Variants in SLC14A2 observed in about 807,000 individuals in gnomAD.
SLC14A2 encodes urea transporter 2.
SLC14A2 carries 91 observed loss-of-function variants against 104.6 expected under a neutral mutation model. That is an observed-to-expected ratio of 0.87 (90% CI 0.73 to 1.04). SLC14A2 has a LOEUF of 1.04. Among genes scored for constraint, SLC14A2 ranks in the 50% least tolerant of loss-of-function variants. The probability of loss-of-function intolerance (pLI) is 0.00; values close to 1 mark genes in which losing one functional copy is unlikely to be tolerated. For synonymous variants in SLC14A2, 476 were observed against 466.4 expected (o/e 1.02, Z -0.27); for missense variants, 1,189 against 1,156.0 (o/e 1.03, Z -0.41).
At chr18:45,328,686 A>T (rs1396513661) in intron 1 of SLC14A2, among the ~76,000 whole-genome samples, 1 of 152,256 alleles carries the variant, frequency 6.6e-6, no homozygotes, top group Non-Finnish European at 1.5e-5. Flanking sequence ...CATGTTATGT[A>T]AGAAGCATAT....
intron 2 of SLC14A2, among the ~76,000 whole-genome samples, chr18:45,575,339 A>G (rs1331718645): frequency 6.6e-6 from 1 of 152,098 alleles, no homozygotes; most frequent in Non-Finnish European, 1.5e-5. Context: ...CTAGCTGGTG[A>G]TGGAAGGGTC....
the SLC14A2 span, among the ~76,000 whole-genome samples, chr18:45,194,738 T>G: frequency 6.8e-6 from 1 of 147,912 alleles, no homozygotes; most frequent in East Asian, 2.0e-4. Flanking sequence ...CTTCACCTCC[T>G]GGGTTCACGC....
Position 45,300,609 on chromosome 18 carries a change from C to CT in SLC14A2, c.-125+87426dup, listed in dbSNP as rs549201617. On this transcript the variant is annotated intron_variant, in intron 1 of 20. Coordinates refer to the SLC14A2 transcript ENST00000586448. ...GGGATGTGAAGTTTTTTAAAAAGCA[C>CT]TTTTTTTTCCATAAATAAAAATAAT... Among the ~76,000 whole-genome samples, 568 of 152,196 alleles carry CT rather than the reference C, an allele frequency of 3.7e-3. 5 individuals are homozygous for CT. The highest frequency in any genetic ancestry group is 0.017 in the Middle Eastern group (5 of 294).
At chr18:45,363,039 C>T (rs1322690721) in intron 1 of SLC14A2, among the ~76,000 whole-genome samples, 3 of 152,158 alleles carry the variant, frequency 2.0e-5, no homozygotes, top group African/African-American at 7.2e-5. Context: ...CTGTCTGCCC[C>T]TGCCTGCCCT....
At chr18:45,197,470 A>G in the SLC14A2 span, among the ~76,000 whole-genome samples, 1 of 152,210 alleles carries the variant, frequency 6.6e-6, no homozygotes, top group African/African-American at 2.4e-5. Flanking sequence ...ATTCGGGGTC[A>G]AAAACAGGTG....
chr18:45,524,750 C>T (rs369809327), intron 2 of SLC14A2, among the ~76,000 whole-genome samples: 6 of 152,150 alleles, frequency 3.9e-5, no homozygotes, highest in Admixed American at 2.0e-4. Flanking sequence ...AACTGCTAAG[C>T]CCTTAAATGC....
At chr18:45,582,049 G>C (rs72904499) in intron 2 of SLC14A2, among the ~76,000 whole-genome samples, 13,064 of 152,282 alleles carry the variant, frequency 0.086, 750 homozygotes, top group Non-Finnish European at 0.13. Flanking sequence ...CATCTGGAGA[G>C]TGGCCTGAAC....
chr18:45,226,028 T>C (rs978107936), intron 1 of SLC14A2, among the ~76,000 whole-genome samples: 129 of 152,280 alleles, frequency 8.5e-4, no homozygotes, highest in African/African-American at 3.1e-3. Context: ...CAGACACTTC[T>C]CAAAAGAAGA....
At chr18:45,621,416 G>T (rs2045167017) in intron 1 of SLC14A2, among the ~76,000 whole-genome samples, 1 of 152,194 alleles carries the variant, frequency 6.6e-6, no homozygotes, top group South Asian at 2.1e-4. Context: ...GAATGAGAAC[G>T]GTGCTAGACA....
chr18:45,332,442 A>G (rs889606383), intron 1 of SLC14A2, among the ~76,000 whole-genome samples: 3 of 152,194 alleles, frequency 2.0e-5, no homozygotes, highest in African/African-American at 7.2e-5. Context: ...ACACCATTTT[A>G]TATAAGAGAG....
chr18:45,636,733 A>G (rs1315426915), intron 5 of SLC14A2, among the ~76,000 whole-genome samples: 1 of 152,216 alleles, frequency 6.6e-6, no homozygotes, highest in Non-Finnish European at 1.5e-5. Context: ...GATATTTTTA[A>G]AATTTGTTTC....
At chr18:45,532,317 C>T (rs578193228) in intron 2 of SLC14A2, among the ~76,000 whole-genome samples, 287 of 152,162 alleles carry the variant, frequency 1.9e-3, no homozygotes, top group African/African-American at 6.5e-3. Context: ...ACAATATTGA[C>T]TCTTCCTACC....
chr18:45,280,383 G>A (rs1392506505), intron 1 of SLC14A2, among the ~76,000 whole-genome samples: 2 of 152,150 alleles, frequency 1.3e-5, no homozygotes, highest in African/African-American at 4.8e-5. Flanking sequence ...AGGCATATAA[G>A]GGTGTTAAGG....
chr18:45,666,137 T>G lies in SLC14A2; in HGVS notation c.1475T>G (p.Val492Gly). 1 of 1,611,944 alleles carries G rather than the reference T, an allele frequency of 6.2e-7. No individual in the cohort carries two copies. Among genetic ancestry groups the G allele is most frequent in the Non-Finnish European group, 8.5e-7 (1 of 1,178,128 alleles). ...EWSSIRRRSK[V>G]FGKGEHQERQ... Reference sequence around the variant, plus strand: ...TGGTGCTCTTTCCTTCTAACTCCAGTGTTTGGAAAAGGCGAACACCAGGAA... The same window carrying G: ...TGGTGCTCTTTCCTTCTAACTCCAGGGTTTGGAAAAGGCGAACACCAGGAA... Residue 492 changes from valine to glycine, a missense_variant and splice_region_variant, in exon 12 of 20, where the codon GTG becomes GGG. Physicochemically the swap from Val to Gly is moderately radical, Grantham distance 109 (BLOSUM62 -3). Coordinates refer to ENST00000255226, the MANE Select transcript of SLC14A2 (RefSeq NM_007163.4).
At chr18:45,596,650 T>G (rs777991135) in intron 2 of SLC14A2, among the ~76,000 whole-genome samples, 4 of 152,252 alleles carry the variant, frequency 2.6e-5, no homozygotes, top group African/African-American at 9.6e-5. Flanking sequence ...ATTGTTCACA[T>G]GCAGAATTTC....
chr18:45,395,133 A>T (rs2086014788), intron 1 of SLC14A2, among the ~76,000 whole-genome samples: 1 of 152,200 alleles, frequency 6.6e-6, no homozygotes, highest in African/African-American at 2.4e-5. Flanking sequence ...AAACAACCTA[A>T]ATGTCCATCA....
At chr18:45,663,638 CAG>C in intron 10 of SLC14A2, 145 bp from the exon 11 acceptor site, 1 of 803,812 alleles carries the variant, frequency 1.2e-6, no homozygotes, top group South Asian at 1.8e-5. Flanking sequence ...GTGTTTTATG[CAG>C]AGACTGATGC....
chr18:45,313,267 A>G (rs932075039), intron 1 of SLC14A2, among the ~76,000 whole-genome samples: 1 of 152,142 alleles, frequency 6.6e-6, no homozygotes, highest in African/African-American at 2.4e-5. Context: ...ATGGGATTGG[A>G]GGAAGGCTGG....
At chr18:45,498,416 C>G (rs1315563446) in intron 2 of SLC14A2, among the ~76,000 whole-genome samples, 1 of 152,212 alleles carries the variant, frequency 6.6e-6, no homozygotes, top group Non-Finnish European at 1.5e-5. Flanking sequence ...CGAGAAGCTG[C>G]CAGACGCCCA....
Sources: gnomAD v4.1 joint callset for allele counts (sites outside exome capture counted in the v4.1 genomes callset) on GRCh38, gnomAD v4.1.1 for gene constraint, MANE v1.5 for transcripts, NCBI Gene and HGNC (gene_info 2026-07-23, HGNC 2026-07-21) for gene names.